EFCAB11: variants seen among roughly 807,000 people sequenced by gnomAD.
EFCAB11 encodes EF-hand calcium binding domain 11.
In EFCAB11, 14 loss-of-function variants were observed where a neutral mutation model predicts 23.0. That is an observed-to-expected ratio of 0.61 (90% CI 0.40 to 0.95). The LOEUF is 0.95. Among genes scored for constraint, EFCAB11 ranks in the 40% least tolerant of loss-of-function variants. The pLI, the probability that EFCAB11 is intolerant of heterozygous loss-of-function variation, is 0.00. For synonymous variants in EFCAB11, 65 were observed against 66.6 expected (o/e 0.98, Z 0.11); for missense variants, 198 against 195.8 (o/e 1.01, Z -0.07).
chr14:89,908,761 A>T (rs1380428332), intron 5 of EFCAB11, among the ~76,000 whole-genome samples: 1 of 152,202 alleles, frequency 6.6e-6, no homozygotes, highest in South Asian at 2.1e-4. Flanking sequence ...TACAATGGAG[A>T]TCAATTGTGA....
At chr14:89,845,264 AAGTT>A (rs1184616570) in intron 5 of EFCAB11, among the ~76,000 whole-genome samples, 6 of 152,194 alleles carry the variant, frequency 3.9e-5, no homozygotes, top group Admixed American at 1.3e-4. Context: ...TTAAATATAA[AAGTT>A]AGAGTTAGGC....
intron 5 of EFCAB11, among the ~76,000 whole-genome samples, chr14:89,867,942 C>A (rs1596411543): frequency 6.6e-6 from 1 of 152,174 alleles, no homozygotes; most frequent in Non-Finnish European, 1.5e-5. Context: ...TCAACCCTAA[C>A]AGAAGCCTTA....
rs112305149 is a variant in EFCAB11 at position 89,834,403 on chromosome 14, A to C, written c.411-37079T>G. 8.8e-3 allele frequency among the ~76,000 whole-genome samples: 891 copies of C among 101,356 alleles called. 84 individuals carry two copies. Among genetic ancestry groups the C allele is most frequent in the Middle Eastern group, 0.016 (3 of 186 alleles). The allele number at this position is 101,356 out of a possible 152,430, so 66.5% of individuals were successfully genotyped here. A position where few individuals can be genotyped will look rare whatever the true frequency, so the allele number is the denominator to read the frequency against. On this transcript the variant is annotated intron_variant, in intron 5 of 5. Transcript: ENST00000316738. ...AAAAAAAAAAAAAAAAAAAAAAAAAACCTTTTTGTTTAAACTTCTAAAGAT... is the reference window on the plus strand; with the variant it reads ...AAAAAAAAAAAAAAAAAAAAAAAAACCCTTTTTGTTTAAACTTCTAAAGAT...
chr14:89,824,754 GAGA>G (rs1886634917), intron 5 of EFCAB11, among the ~76,000 whole-genome samples: 1 of 152,046 alleles, frequency 6.6e-6, no homozygotes, highest in African/African-American at 2.4e-5. Flanking sequence ...AATACTGGTG[GAGA>G]TAATAAGAGA....
At chr14:89,808,570 T>G (rs1886050146) in intron 5 of EFCAB11, among the ~76,000 whole-genome samples, 1 of 152,232 alleles carries the variant, frequency 6.6e-6, no homozygotes, top group South Asian at 2.1e-4. Context: ...ACTGAGCCAC[T>G]AGGAAATTTG....
Position 89,848,636 on chromosome 14 carries a change from T to C in EFCAB11, c.411-51312A>G, listed in dbSNP as rs552095257. On this transcript the variant is annotated intron_variant, in intron 5 of 5. Coordinates refer to ENST00000316738, the MANE Select transcript of EFCAB11 (RefSeq NM_145231.4). ...TGAAAGCAACACTGTGTTAAAACAA[T>C]CTGGTTGAGTCCGGGCACAGTGGCT... The C allele has an allele frequency of 1.4e-4, 21 of 152,376 alleles. 1 individual carries two copies. Among genetic ancestry groups the C allele is most frequent in the African/African-American group, 5.0e-4 (21 of 41,586 alleles). The allele number at this position is 152,376 out of a possible 1,614,324, so 9.4% of individuals were successfully genotyped here.
chr14:89,927,725 CTT>C (rs374033325), intron 5 of EFCAB11, among the ~76,000 whole-genome samples: 11 of 146,170 alleles, frequency 7.5e-5, no homozygotes, highest in Admixed American at 1.4e-4. Context: ...ATGTGTTATT[CTT>C]TTTTTTTTTT....
At chr14:89,910,656 T>C (rs1377215061) in intron 5 of EFCAB11, among the ~76,000 whole-genome samples, 1 of 149,714 alleles carries the variant, frequency 6.7e-6, no homozygotes, top group East Asian at 2.0e-4. Context: ...CATAAAAATG[T>C]CTAGAGAAGG....
intron 5 of EFCAB11, among the ~76,000 whole-genome samples, chr14:89,856,440 T>G (rs995383310): frequency 2.6e-5 from 4 of 152,148 alleles, no homozygotes; most frequent in African/African-American, 9.7e-5. Context: ...TCCGCCCACC[T>G]TGGCCTCCCA....
intron 5 of EFCAB11, among the ~76,000 whole-genome samples, chr14:89,835,407 G>A (rs1434405961): frequency 1.3e-5 from 2 of 152,034 alleles, no homozygotes; most frequent in African/African-American, 4.8e-5. Flanking sequence ...ATAAACATAT[G>A]TATAGCCTGA....
intron 5 of EFCAB11, among the ~76,000 whole-genome samples, chr14:89,898,789 A>G (rs954881740): frequency 6.7e-6 from 1 of 149,556 alleles, no homozygotes; most frequent in Non-Finnish European, 1.5e-5. Context: ...CTCCTGCCTC[A>G]GTCTCCTGAG....
Position 89,829,794 on chromosome 14 carries a change from A to T in EFCAB11, c.411-32470T>A, listed in dbSNP as rs531436313. On this transcript the variant is annotated intron_variant, in intron 5 of 5. Transcript: ENST00000316738. ...TGCACATCAATGAAGAGCAAACACC[A>T]AACACCTTAAATTTGATAAAGCATT... The T allele has an allele frequency of 4.6e-5, 7 of 152,360 alleles. No individual in the cohort carries two copies. In the South Asian group the frequency reaches 1.0e-3, roughly 23 times the overall value. 9.4% of individuals were successfully genotyped at this position (152,360 alleles called of 1,614,324 possible).
At chr14:89,954,028 A>G (rs367961391) in intron 1 of EFCAB11, 27 bp from the exon 2 acceptor site, 12 of 1,578,212 alleles carry the variant, frequency 7.6e-6, no homozygotes, top group African/African-American at 6.8e-5. Flanking sequence ...AGCTTTAGTT[A>G]ATGAGACAGA....
intron 3 of EFCAB11, among the ~76,000 whole-genome samples, chr14:89,942,879 T>G (rs1473257211): frequency 6.6e-6 from 1 of 152,210 alleles, no homozygotes; most frequent in East Asian, 1.9e-4. Flanking sequence ...CGAGGAAATC[T>G]CTATTGAAAT....
intron 5 of EFCAB11, among the ~76,000 whole-genome samples, chr14:89,849,625 T>G (rs916357770): frequency 1.6e-5 from 2 of 124,434 alleles, no homozygotes; most frequent in Non-Finnish European, 1.7e-5. Flanking sequence ...TTTTTTTTGG[T>G]AAGATACTCT....
intron 5 of EFCAB11, among the ~76,000 whole-genome samples, chr14:89,906,040 C>G (rs142948487): frequency 6.6e-6 from 1 of 152,016 alleles, no homozygotes; most frequent in Non-Finnish European, 1.5e-5. Context: ...AAGTGTGGGA[C>G]TTTGGGAACA....
At chr14:89,828,554 G>A (rs1352292869) in intron 5 of EFCAB11, among the ~76,000 whole-genome samples, 1 of 152,168 alleles carries the variant, frequency 6.6e-6, no homozygotes, top group Non-Finnish European at 1.5e-5. Flanking sequence ...GTTTAAAGCT[G>A]TAATCGATGT....
At chr14:89,901,981 C>T (rs1287425915) in intron 5 of EFCAB11, among the ~76,000 whole-genome samples, 1 of 150,872 alleles carries the variant, frequency 6.6e-6, no homozygotes, top group Non-Finnish European at 1.5e-5. Context: ...ATCCAAAACA[C>T]TTCTGGTCTC....
At chr14:89,919,628 G>T (rs1338472265) in intron 5 of EFCAB11, among the ~76,000 whole-genome samples, 1 of 152,144 alleles carries the variant, frequency 6.6e-6, no homozygotes, top group Non-Finnish European at 1.5e-5. Context: ...AGGTAAAAGT[G>T]AGTGATAAAC....
Sources: gnomAD v4.1 joint callset for allele counts (sites outside exome capture counted in the v4.1 genomes callset) on GRCh38, gnomAD v4.1.1 for gene constraint, MANE v1.5 for transcripts, NCBI Gene and HGNC (gene_info 2026-07-23, HGNC 2026-07-21) for gene names.